The following EEIG1 variants were observed in gnomAD, a reference collection of about 807,000 sequenced individuals.
EEIG1 encodes early estrogen-induced gene 1 protein.
the EEIG1 span, chr9:127,979,958 C>T: frequency 6.3e-7 from 1 of 1,596,394 alleles, no homozygotes; most frequent in East Asian, 2.3e-5. Flanking sequence ...CTCATCACCC[C>T]CGCTGCTGCA....
At chr9:127,972,277 C>T in the EEIG1 span, among the ~76,000 whole-genome samples, 1 of 152,166 alleles carries the variant, frequency 6.6e-6, no homozygotes, top group African/African-American at 2.4e-5. The surrounding 1 kb of genome is among the most constrained non-coding windows in gnomAD (Gnocchi z 4.3). Flanking sequence ...ACCCTGAGCT[C>T]AGACACCCGG....
the EEIG1 span, among the ~76,000 whole-genome samples, chr9:127,978,514 A>G: frequency 6.7e-6 from 1 of 148,332 alleles, no homozygotes; most frequent in East Asian, 2.0e-4. Context: ...CCCGCATACT[A>G]TTTTATTTCA....
chr9:127,980,787 G>A, the EEIG1 span, among the ~76,000 whole-genome samples: 1 of 149,816 alleles, frequency 6.7e-6, no homozygotes, highest in Non-Finnish European at 1.5e-5. Flanking sequence ...CTCAGGGCAG[G>A]CACCGGGCCG....
the EEIG1 span, chr9:127,950,387 TG>T: frequency 1.2e-6 from 2 of 1,605,566 alleles, no homozygotes; most frequent in South Asian, 2.2e-5. Flanking sequence ...CCCCATCCCG[TG>T]GTCAGGGTGG....
At chr9:127,974,261 C>G in the EEIG1 span, among the ~76,000 whole-genome samples, 1 of 152,198 alleles carries the variant, frequency 6.6e-6, no homozygotes. Flanking sequence ...GGTCAGGCCC[C>G]TGAACCTTCT....
the EEIG1 span, among the ~76,000 whole-genome samples, chr9:127,977,011 G>T: frequency 0.049 from 7,392 of 152,060 alleles, 416 homozygotes; most frequent in African/African-American, 0.14. Context: ...TGGGGTACGG[G>T]TGGAGGGGGT....
chr9:127,965,106 CAAAAAAAAAAAAAAAAAAAAAAAAAAAAA>C, the EEIG1 span, among the ~76,000 whole-genome samples: 2 of 69,724 alleles, frequency 2.9e-5, no homozygotes, highest in South Asian at 6.2e-4. Context: ...AAGACTGTCT[CAAAAAAAAAAAAAAAAAAAAAAAAAAAAA>C]AAAAAAAAAA....
At chr9:127,946,339 CA>C in the EEIG1 span, among the ~76,000 whole-genome samples, 1 of 152,238 alleles carries the variant, frequency 6.6e-6, no homozygotes, top group East Asian at 1.9e-4. Context: ...AGCCCAACTT[CA>C]AAACAGACTT....
At chr9:127,945,788 A>G in the EEIG1 span, 1 of 1,387,368 alleles carries the variant, frequency 7.2e-7, no homozygotes, top group Non-Finnish European at 1.0e-6. This position sits in a 1 kb window ranked among gnomAD's most constrained non-coding sequence, Gnocchi z 6.5. Context: ...GTGAGGTGAC[A>G]GGGGTCACCC....
the EEIG1 span, chr9:127,943,077 A>C: frequency 3.3e-6 from 3 of 902,692 alleles, no homozygotes; most frequent in Admixed American, 1.8e-5. Flanking sequence ...TGCATGGAGG[A>C]GGCATGGATG....
the EEIG1 span, among the ~76,000 whole-genome samples, chr9:127,966,501 A>G: frequency 2.0e-5 from 3 of 151,446 alleles, no homozygotes; most frequent in Non-Finnish European, 4.4e-5. Flanking sequence ...TTACAAGCAC[A>G]GGCAAGTGGC....
chr9:127,944,853 G>A, the EEIG1 span: 1 of 1,612,638 alleles, frequency 6.2e-7, no homozygotes, highest in Admixed American at 1.7e-5. Flanking sequence ...CGATCCGCGT[G>A]TCGTCCACCC....
the EEIG1 span, chr9:127,941,687 G>C: frequency 6.6e-6 from 1 of 152,180 alleles, no homozygotes; most frequent in Non-Finnish European, 1.5e-5. Context: ...AACCCTCCCA[G>C]CCTGGGGAGG....
the EEIG1 span, chr9:127,944,907 G>A: frequency 6.2e-7 from 1 of 1,609,208 alleles, no homozygotes; most frequent in Non-Finnish European, 8.5e-7. Flanking sequence ...GCCTGGGTCA[G>A]GTCGTGGGGG....
the EEIG1 span, among the ~76,000 whole-genome samples, chr9:127,962,189 T>A: frequency 6.6e-6 from 1 of 152,146 alleles, no homozygotes; most frequent in Non-Finnish European, 1.5e-5. Flanking sequence ...TTTTATTTAA[T>A]TTTTTAAAGT....
the EEIG1 span, among the ~76,000 whole-genome samples, chr9:127,963,569 C>G: frequency 6.6e-6 from 1 of 152,230 alleles, no homozygotes; most frequent in Admixed American, 6.5e-5. Context: ...TCTGGGCTGT[C>G]TGGAAACAGC....
At chr9:127,967,524 G>A in the EEIG1 span, among the ~76,000 whole-genome samples, 3 of 152,252 alleles carry the variant, frequency 2.0e-5, no homozygotes, top group African/African-American at 7.2e-5. Flanking sequence ...CAAGACCCCA[G>A]CAGTTCAAAG....
chr9:127,966,745 G>A, the EEIG1 span, among the ~76,000 whole-genome samples: 1 of 152,226 alleles, frequency 6.6e-6, no homozygotes, highest in Non-Finnish European at 1.5e-5. Flanking sequence ...GGCCCAGCCT[G>A]GCTGTTTCCC....
At chr9:127,969,802 A>G in the EEIG1 span, among the ~76,000 whole-genome samples, 1 of 152,170 alleles carries the variant, frequency 6.6e-6, no homozygotes, top group African/African-American at 2.4e-5. Flanking sequence ...CCTTACCAGA[A>G]AGACCAAGGA....
Sources: allele counts gnomAD v4.1 joint callset (sites outside exome capture counted in the v4.1 genomes callset), GRCh38; gene constraint gnomAD v4.1.1; non-coding constraint Gnocchi (gnomAD v3.1); transcripts MANE v1.5; gene names NCBI Gene and HGNC (gene_info 2026-07-23, HGNC 2026-07-21).